GARNL3: variants seen among roughly 807,000 people sequenced by gnomAD.
The protein encoded by GARNL3 is GTPase-activating Rap/Ran-GAP domain-like protein 3.
GARNL3 carries 63 observed loss-of-function variants against 125.0 expected under a neutral mutation model. The observed-to-expected ratio is 0.50, with a 90% confidence interval of 0.41 to 0.62. GARNL3 has a LOEUF of 0.62. Ranked by LOEUF, GARNL3 falls within the 20% of genes least tolerant of loss-of-function variation. GARNL3 has a pLI of 0.00. For missense variants in GARNL3, 994 were observed against 1,244.0 expected (o/e 0.80, Z 3.02); for synonymous variants, 439 against 457.5 (o/e 0.96, Z 0.52).
At chr9:127,356,402 G>A (rs1289306073) in intron 20 of GARNL3, 2 of 152,182 alleles carry the variant, frequency 1.3e-5, no homozygotes, top group Admixed American at 6.5e-5. Flanking sequence ...TTCCCTCCCT[G>A]ACATCACCAT....
chr9:127,273,955 G>C (rs1354932837), intron 1 of GARNL3, among the ~76,000 whole-genome samples: 1 of 151,922 alleles, frequency 6.6e-6, no homozygotes, highest in Non-Finnish European at 1.5e-5. Context: ...TTATTCTCTT[G>C]TTTTCAGTTT....
intron 22 of GARNL3, among the ~76,000 whole-genome samples, chr9:127,371,911 A>G (rs1447686859): frequency 2.0e-5 from 3 of 152,240 alleles, no homozygotes; most frequent in East Asian, 1.9e-4. Context: ...AAATGATACC[A>G]GAATAATTGG....
At position 127,296,946 on chromosome 9, in the gene GARNL3, C is replaced by T. The variant is rs376385728; in HGVS notation, c.219+5704C>T. 3.0e-4 allele frequency among the ~76,000 whole-genome samples: 46 copies of T among 152,168 alleles called. 1 individual carries two copies. In the South Asian group the frequency reaches 9.4e-3, roughly 31 times the overall value. On this transcript the variant is annotated intron_variant, in intron 2 of 27. Coordinates refer to ENST00000373387, the MANE Select transcript of GARNL3 (RefSeq NM_032293.5). ...TATCTAGGAGCCCCCTGTGAGTCCC[C>T]TCCTTAGAACAAAAGATGTTCCTGT...
intron 22 of GARNL3, among the ~76,000 whole-genome samples, chr9:127,375,339 A>G (rs1300908072): frequency 6.6e-6 from 1 of 151,966 alleles, no homozygotes; most frequent in East Asian, 1.9e-4. Context: ...GGTGGCAGGC[A>G]CCTGTAATTC....
At chr9:127,307,189 C>T (rs993743927) in intron 2 of GARNL3, among the ~76,000 whole-genome samples, 1 of 152,182 alleles carries the variant, frequency 6.6e-6, no homozygotes, top group Non-Finnish European at 1.5e-5. Flanking sequence ...ATGCCCCGCT[C>T]TCTGTGCTGA....
chr9:127,382,112 C>T (rs1290080429), intron 22 of GARNL3, among the ~76,000 whole-genome samples: 1 of 151,910 alleles, frequency 6.6e-6, no homozygotes, highest in East Asian at 1.9e-4. Flanking sequence ...ACCAGCCTGG[C>T]CAAATGGAGA....
chr9:127,356,745 A>G (rs1830708505), intron 20 of GARNL3, among the ~76,000 whole-genome samples: 1 of 152,206 alleles, frequency 6.6e-6, no homozygotes, highest in Non-Finnish European at 1.5e-5. Context: ...TCTTAGCTCT[A>G]CCCTGTGTAA....
chr9:127,273,936 A>G (rs2063888322), intron 1 of GARNL3, among the ~76,000 whole-genome samples: 1 of 152,118 alleles, frequency 6.6e-6, no homozygotes, highest in African/African-American at 2.4e-5. Context: ...TATAACATGC[A>G]TCCTCATCTT....
chr9:127,332,612 G>C (rs1829323126), intron 8 of GARNL3, among the ~76,000 whole-genome samples: 1 of 152,140 alleles, frequency 6.6e-6, no homozygotes, highest in Admixed American at 6.5e-5. Context: ...GGAGAATTTG[G>C]TTCTACACAG....
At position 127,344,291 on chromosome 9, in the gene GARNL3, G is replaced by A. The variant is rs377114357; in HGVS notation, c.1308G>A (p.Ala436=). The change falls in exon 15 of 28, where the codon GCG becomes GCA. Residue 436 remains alanine, a synonymous_variant. Coordinates refer to ENST00000373387, the MANE Select transcript of GARNL3 (RefSeq NM_032293.5). The stretch of plus-strand genomic sequence containing the variant: ...TCTTACCAGAGTCACCCAAGTCAGC[G>A]CGGAAGAAAGAGGAGGCCCGCCAGG... The part of the protein sequence containing the change: ...SDVLPESPKS[A]RKKEEARQAE... 126 of 1,613,968 alleles carry A rather than the reference G, an allele frequency of 7.8e-5. No homozygotes were observed. The Middle Eastern group carries it at 1.2e-3, about 15-fold the overall frequency.
chr9:127,376,611 G>A (rs1193369932), intron 22 of GARNL3, among the ~76,000 whole-genome samples: 1 of 150,254 alleles, frequency 6.7e-6, no homozygotes, highest in Non-Finnish European at 1.5e-5. Flanking sequence ...TCTTTTTTAT[G>A]GGACGTTTTA....
At chr9:127,336,963 T>A (rs763442717) in intron 11 of GARNL3, among the ~76,000 whole-genome samples, 7 of 152,246 alleles carry the variant, frequency 4.6e-5, no homozygotes, top group Non-Finnish European at 5.9e-5. Context: ...CTAGTCGAGT[T>A]ACTCATTTCC....
chr9:127,230,044 G>A (rs2062975030), intron 1 of GARNL3, among the ~76,000 whole-genome samples: 1 of 152,196 alleles, frequency 6.6e-6, no homozygotes. Context: ...GGGAAACCTG[G>A]ATGCAGTAGA....
At chr9:127,275,595 G>T (rs1375393819) in intron 1 of GARNL3, among the ~76,000 whole-genome samples, 1 of 152,188 alleles carries the variant, frequency 6.6e-6, no homozygotes, top group Non-Finnish European at 1.5e-5. Flanking sequence ...TTGTTAAGGA[G>T]GGGAACATCT....
intron 22 of GARNL3, among the ~76,000 whole-genome samples, chr9:127,377,351 AG>A (rs1358320760): frequency 6.6e-6 from 1 of 152,240 alleles, no homozygotes; most frequent in African/African-American, 2.4e-5. Context: ...TTTTGGAAAA[AG>A]TAAATGTATG....
chr9:127,269,956 A>G (rs1357226621), intron 1 of GARNL3, among the ~76,000 whole-genome samples: 1 of 152,042 alleles, frequency 6.6e-6, no homozygotes, highest in Non-Finnish European at 1.5e-5. Context: ...AAATTTATCT[A>G]TTATTTATTT....
At chr9:127,260,541 G>T (rs1420826746), upstream of GARNL3, among the ~76,000 whole-genome samples, 5 of 152,194 alleles carry the variant, frequency 3.3e-5, no homozygotes, top group African/African-American at 1.2e-4. Context: ...CTATACTACA[G>T]GGATTGACAA....
intron 21 of GARNL3, among the ~76,000 whole-genome samples, chr9:127,357,989 AG>A (rs1488741260): frequency 3.9e-5 from 6 of 152,116 alleles, no homozygotes; most frequent in Admixed American, 3.9e-4. Flanking sequence ...GAAAGGAAGA[AG>A]GGGTGGAAAC....
chr9:127,232,600 T>C (rs1232145795), intron 1 of GARNL3, among the ~76,000 whole-genome samples: 1 of 152,208 alleles, frequency 6.6e-6, no homozygotes, highest in Non-Finnish European at 1.5e-5. Context: ...TGAGGCACCG[T>C]GCCCAGCCTG....
Sources: allele counts gnomAD v4.1 joint callset (sites outside exome capture counted in the v4.1 genomes callset), GRCh38; gene constraint gnomAD v4.1.1; transcripts MANE v1.5; gene names NCBI Gene and HGNC (gene_info 2026-07-23, HGNC 2026-07-21).